The following RAP1GDS1 variants were observed in gnomAD, a reference collection of about 807,000 sequenced individuals.
RAP1GDS1 encodes RAP1, GTP-GDP dissociation stimulator 1.
RAP1GDS1 carries 35 observed loss-of-function variants against 71.1 expected under a neutral mutation model. The observed-to-expected ratio is 0.49, with a 90% CI of 0.38 to 0.65. RAP1GDS1 has a LOEUF of 0.65. RAP1GDS1 is among the 30% of genes least tolerant of loss of function. The probability of loss-of-function intolerance (pLI) is 0.00; values close to 1 mark genes in which losing one functional copy is unlikely to be tolerated. For missense variants in RAP1GDS1, 663 were observed against 706.1 expected (o/e 0.94, Z 0.69); for synonymous variants, 229 against 243.1 (o/e 0.94, Z 0.54).
chr4:98,321,659 C>A (rs1731926030), intron 2 of RAP1GDS1, among the ~76,000 whole-genome samples: 1 of 144,788 alleles, frequency 6.9e-6, no homozygotes, highest in South Asian at 2.3e-4. Flanking sequence ...ATTTCATATC[C>A]AGCCAAACTA....
At chr4:98,261,628 C>T (rs1248474617) in intron 1 of RAP1GDS1, 59 bp downstream of exon 1, 12 of 1,560,504 alleles carry the variant, frequency 7.7e-6, no homozygotes, top group Non-Finnish European at 1.1e-5. Flanking sequence ...CGGCGTGCTG[C>T]AGGGTGGGAA....
intron 2 of RAP1GDS1, among the ~76,000 whole-genome samples, chr4:98,294,428 G>C (rs1727423158): frequency 6.6e-6 from 1 of 151,890 alleles, no homozygotes; most frequent in Admixed American, 6.6e-5. Context: ...CATCAAAAAA[G>C]CACATTTTAG....
intron 5 of RAP1GDS1, among the ~76,000 whole-genome samples, chr4:98,389,475 C>A (rs1743276498): frequency 6.6e-6 from 1 of 152,140 alleles, no homozygotes; most frequent in African/African-American, 2.4e-5. Context: ...ACAGTGAGTT[C>A]ATCCAACTGG....
chr4:98,264,267 G>T (rs903164660), intron 1 of RAP1GDS1, among the ~76,000 whole-genome samples: 1 of 152,050 alleles, frequency 6.6e-6, no homozygotes, highest in African/African-American at 2.4e-5. Flanking sequence ...GTGGTGGCGG[G>T]CGCCTGTAAT....
At chr4:98,262,381 T>C (rs1722143611) in intron 1 of RAP1GDS1, among the ~76,000 whole-genome samples, 1 of 152,214 alleles carries the variant, frequency 6.6e-6, no homozygotes, top group African/African-American at 2.4e-5. Flanking sequence ...AGTTCCTTTG[T>C]ATTTATAGTT....
chr4:98,419,105 G>C (rs1048773887), intron 10 of RAP1GDS1, among the ~76,000 whole-genome samples: 2 of 152,212 alleles, frequency 1.3e-5, no homozygotes, highest in Non-Finnish European at 2.9e-5. Flanking sequence ...AGCCAGGCTA[G>C]AGTGCAGTGA....
chr4:98,431,840 CTA>C (rs931301489), intron 12 of RAP1GDS1, among the ~76,000 whole-genome samples: 1 of 152,172 alleles, frequency 6.6e-6, no homozygotes, highest in Non-Finnish European at 1.5e-5. Context: ...GATGTTTTAT[CTA>C]TTTTTTAATC....
chr4:98,410,004 T>TCAG (rs1746787234), intron 7 of RAP1GDS1, among the ~76,000 whole-genome samples: 1 of 152,130 alleles, frequency 6.6e-6, no homozygotes, highest in Non-Finnish European at 1.5e-5. Flanking sequence ...GCCTGGTGGC[T>TCAG]CATGACTGCA....
chr4:98,340,741 T>G (rs1381709108), intron 2 of RAP1GDS1, among the ~76,000 whole-genome samples: 1 of 151,718 alleles, frequency 6.6e-6, no homozygotes, highest in Non-Finnish European at 1.5e-5. Context: ...AGAGCAAGAC[T>G]CCGTCTCAAA....
At chr4:98,341,275 A>G (rs989144308) in intron 2 of RAP1GDS1, among the ~76,000 whole-genome samples, 1 of 152,202 alleles carries the variant, frequency 6.6e-6, no homozygotes, top group Non-Finnish European at 1.5e-5. Context: ...TTTCTTTGAC[A>G]ATAGCAGTGA....
intron 1 of RAP1GDS1, among the ~76,000 whole-genome samples, chr4:98,287,800 A>G (rs1029013182): frequency 6.6e-6 from 1 of 151,818 alleles, no homozygotes; most frequent in African/African-American, 2.4e-5. Context: ...TTTTTTTCAG[A>G]TCATGTGTAC....
At chr4:98,291,059 A>G (rs1726839818) in intron 1 of RAP1GDS1, among the ~76,000 whole-genome samples, 1 of 152,188 alleles carries the variant, frequency 6.6e-6, no homozygotes, top group Non-Finnish European at 1.5e-5. Context: ...CTATTGCTAC[A>G]GAGATATCAA....
chr4:98,416,989 C>T, intron 8 of RAP1GDS1, 101 bp downstream of exon 8: 2 of 1,284,814 alleles, frequency 1.6e-6, no homozygotes, highest in Non-Finnish European at 2.2e-6. Context: ...TCTCATATTC[C>T]TATCTCACCT....
chr4:98,343,057 T>G (rs893410575), intron 2 of RAP1GDS1, 82 bp from the exon 3 acceptor site: 51 of 1,401,892 alleles, frequency 3.6e-5, no homozygotes, highest in Non-Finnish European at 4.9e-5. Context: ...GGAAAAATTC[T>G]TGAAGAATTT....
intron 1 of RAP1GDS1, among the ~76,000 whole-genome samples, chr4:98,284,839 T>G (rs951611465): frequency 6.6e-5 from 10 of 152,148 alleles, no homozygotes; most frequent in African/African-American, 2.4e-4. Flanking sequence ...GTATCAGATT[T>G]CAGGTCAGAA....
intron 4 of RAP1GDS1, among the ~76,000 whole-genome samples, chr4:98,367,716 C>G (rs1431112580): frequency 4.6e-5 from 7 of 152,240 alleles, no homozygotes; most frequent in Admixed American, 4.6e-4. Flanking sequence ...TAAGATTTGA[C>G]TGCCCTGCTG....
chr4:98,281,253 GTTC>G (rs1433940365), intron 1 of RAP1GDS1, among the ~76,000 whole-genome samples: 1 of 152,148 alleles, frequency 6.6e-6, no homozygotes, highest in Non-Finnish European at 1.5e-5. Context: ...AGCATAGAAT[GTTC>G]TTCCATTTTT....
At chr4:98,417,951 G>A (rs895218737) in intron 9 of RAP1GDS1, among the ~76,000 whole-genome samples, 2 of 152,054 alleles carry the variant, frequency 1.3e-5, no homozygotes, top group East Asian at 1.9e-4. Context: ...TTCAGGGGGC[G>A]CCAGACTTCT....
chr4:98,320,215 G>A (rs1243323991), intron 2 of RAP1GDS1, among the ~76,000 whole-genome samples: 1 of 152,090 alleles, frequency 6.6e-6, no homozygotes, highest in Non-Finnish European at 1.5e-5. Flanking sequence ...ATATTTGCGG[G>A]TTTTCGACTT....
Sources: allele counts gnomAD v4.1 joint callset (sites outside exome capture counted in the v4.1 genomes callset), GRCh38; gene constraint gnomAD v4.1.1; transcripts MANE v1.5; gene names NCBI Gene and HGNC (gene_info 2026-07-23, HGNC 2026-07-21).